Variants in ARHGEF3 observed in about 807,000 individuals in gnomAD.
ARHGEF3 encodes Rho guanine nucleotide exchange factor 3.
Under a neutral mutation model 63.2 loss-of-function variants are expected in ARHGEF3, and 28 were observed. The ratio of observed to expected loss-of-function variants is 0.44; its 90% CI spans 0.33 to 0.61. The LOEUF is 0.61. ARHGEF3 is among the 20% of genes least tolerant of loss of function. The pLI is 0.03. For missense variants in ARHGEF3, 533 were observed against 659.3 expected, an observed-to-expected ratio of 0.81 and a Z score of 2.10; for synonymous variants, 266 against 254.2, an observed-to-expected ratio of 1.05 and a Z score of -0.44.
In ARHGEF3 at chr3:56,967,574, A is replaced by G. The variant is rs1193340987; in HGVS notation, c.63-8685T>C. Among the ~76,000 whole-genome samples the G allele has an allele frequency of 1.8e-3, 163 of 88,332 alleles. 1 individual carries two copies. Among genetic ancestry groups the G allele is most frequent in the African/African-American group, 7.1e-3 (156 of 21,940 alleles). The allele number at this position is 88,332 out of a possible 152,430, so 57.9% of individuals were successfully genotyped here. On this transcript the variant is annotated intron_variant, in intron 2 of 12. Coordinates refer to the ARHGEF3 transcript ENST00000338458. ...GTACATTATATAATATATAATATAT[A>G]TTATACATAATATATTTAATTATAT...
At chr3:56,951,916 A>G (rs1043431186) in intron 3 of ARHGEF3, among the ~76,000 whole-genome samples, 6 of 151,966 alleles carry the variant, frequency 3.9e-5, no homozygotes, top group Admixed American at 6.6e-5. Flanking sequence ...TTCACCACTT[A>G]CCTGTTGTGT....
chr3:56,744,593 A>G (rs2034263825), intron 7 of ARHGEF3, among the ~76,000 whole-genome samples: 1 of 150,902 alleles, frequency 6.6e-6, no homozygotes, highest in African/African-American at 2.4e-5. Flanking sequence ...TTTAGTAGAG[A>G]CAGGGTTTTG....
intron 4 of ARHGEF3, among the ~76,000 whole-genome samples, chr3:56,838,420 T>C (rs1341868949): frequency 6.6e-6 from 1 of 152,196 alleles, no homozygotes; most frequent in African/African-American, 2.4e-5. Context: ...TCACTTTTCA[T>C]TGGTTTTACC....
At chr3:56,742,559 G>C (rs2034108938) in intron 7 of ARHGEF3, among the ~76,000 whole-genome samples, 1 of 152,048 alleles carries the variant, frequency 6.6e-6, no homozygotes, top group South Asian at 2.1e-4. Context: ...AGCTATATTG[G>C]TGCTTGTTTT....
chr3:56,926,803 A>AT (rs1393161686), intron 3 of ARHGEF3, among the ~76,000 whole-genome samples: 11 of 152,222 alleles, frequency 7.2e-5, no homozygotes, highest in Admixed American at 7.2e-4. Flanking sequence ...GCTGATTTTT[A>AT]TTTTTTAAAA....
At chr3:57,040,906 TGAAGGAGTA>T (rs148234037) in intron 1 of ARHGEF3, among the ~76,000 whole-genome samples, 151,916 of 152,086 alleles carry the variant, frequency 1, 75,873 homozygotes, top group Middle Eastern at 1. Flanking sequence ...CCCTCCTCTG[TGAAGGAGTA>T]CCTTCACTCC....
intron 3 of ARHGEF3, among the ~76,000 whole-genome samples, chr3:56,957,302 G>A (rs773168738): frequency 6.6e-6 from 1 of 152,126 alleles, no homozygotes; most frequent in Non-Finnish European, 1.5e-5. Flanking sequence ...TGGAGAAAAT[G>A]ACTGAGATCT....
intron 3 of ARHGEF3, among the ~76,000 whole-genome samples, chr3:56,950,225 G>T (rs1418350870): frequency 2.6e-5 from 4 of 152,028 alleles, no homozygotes; most frequent in Admixed American, 2.6e-4. Flanking sequence ...CATGGGCAAG[G>T]ACTTCATGTC....
At chr3:56,968,007 T>TTTATATTATAG (rs1700668387) in intron 2 of ARHGEF3, among the ~76,000 whole-genome samples, 5 of 24,468 alleles carry the variant, frequency 2.0e-4, no homozygotes, top group Non-Finnish European at 3.7e-4. Context: ...TAATATATAT[T>TTTATATTATAG]TTTAAATATA....
chr3:57,062,129 T>C (rs564551556), intron 1 of ARHGEF3, among the ~76,000 whole-genome samples: 54 of 150,840 alleles, frequency 3.6e-4, no homozygotes, highest in African/African-American at 1.2e-3. Context: ...TCCATCTAGA[T>C]GGGTGAGAAG....
intron 3 of ARHGEF3, among the ~76,000 whole-genome samples, chr3:56,948,192 G>C (rs909131818): frequency 1.6e-4 from 24 of 151,956 alleles, no homozygotes; most frequent in African/African-American, 5.8e-4. Context: ...ATCTAAAATT[G>C]ACACCCTAAC....
intron 1 of ARHGEF3, among the ~76,000 whole-genome samples, chr3:56,789,754 G>A (rs78411358): frequency 0.025 from 3,843 of 152,158 alleles, 115 homozygotes; most frequent in Admixed American, 0.088. Flanking sequence ...AAAACTTATT[G>A]TAAAAATAAA....
rs556476916 is a variant in ARHGEF3, at chr3:56,729,703, A to T, written c.1229-81T>A. On this transcript the variant is annotated intron_variant, in intron 9 of 9. Coordinates refer to ENST00000296315, the MANE Select transcript of ARHGEF3 (RefSeq NM_019555.3). ...CAAAGAGAACACACGTAGTGACACT[A>T]AACCCCAGAATCCATGGCAGGTATT... 8.1e-5 allele frequency: 95 copies of T among 1,175,980 alleles called. 2 individuals carry two copies. The South Asian group carries it at 1.4e-3, about 17-fold the overall frequency. The allele number at this position is 1,175,980 out of a possible 1,614,324, so 72.8% of individuals were successfully genotyped here.
At chr3:56,856,702 T>TA (rs1491044368) in intron 4 of ARHGEF3, among the ~76,000 whole-genome samples, 1 of 41,038 alleles carries the variant, frequency 2.4e-5, no homozygotes, top group East Asian at 2.1e-3. Context: ...TCTTGAGAGG[T>TA]TTTTTGTTTT....
At chr3:57,059,474 T>C (rs942932036) in intron 1 of ARHGEF3, among the ~76,000 whole-genome samples, 1 of 128,352 alleles carries the variant, frequency 7.8e-6, no homozygotes, top group Non-Finnish European at 1.6e-5. Context: ...AGTCACATTT[T>C]GGAGTCTGTT....
chr3:56,774,563 G>A lies in ARHGEF3; in HGVS notation c.97-747C>T, dbSNP rs140836494. On this transcript the variant is annotated intron_variant, in intron 1 of 9. Coordinates refer to ENST00000296315, the MANE Select transcript of ARHGEF3 (RefSeq NM_019555.3). The stretch of plus-strand genomic sequence containing the variant: ...AAACCAGGCTGATAGGTGGGAGGGC[G>A]CCTACCCATTCCAAGGACTTTGCAG... Among the ~76,000 whole-genome samples the A allele has an allele frequency of 4.2e-3, 636 of 152,258 alleles. 8 individuals carry two copies. Among genetic ancestry groups the A allele is most frequent in the Middle Eastern group, 0.02 (6 of 294 alleles).
rs79334933 is a variant in ARHGEF3 at position 56,944,121 on chromosome 3, C to T, written c.129+14702G>A. On this transcript the variant is annotated intron_variant, in intron 3 of 12. Coordinates refer to the ARHGEF3 transcript ENST00000338458. ...CCGAAAGGTGGAGGTTGCAGGGAGC[C>T]GAAATCACTCCACTGCACTCCAGCA... 4.6e-5 allele frequency among the ~76,000 whole-genome samples: 7 copies of T among 152,042 alleles called. No homozygotes were observed. In the East Asian group the frequency reaches 7.7e-4, roughly 17 times the overall value.
chr3:56,829,757 A>G (rs1051778971), intron 4 of ARHGEF3, among the ~76,000 whole-genome samples: 1 of 152,226 alleles, frequency 6.6e-6, no homozygotes, highest in Non-Finnish European at 1.5e-5. Context: ...TGTCTCTCTG[A>G]AACAGTGGTA....
chr3:56,951,378 G>C (rs554980607), intron 3 of ARHGEF3, among the ~76,000 whole-genome samples: 1 of 151,868 alleles, frequency 6.6e-6, no homozygotes, highest in Admixed American at 6.5e-5. Context: ...CATCATTGAG[G>C]CAAGATGATC....
Sources: gnomAD v4.1 joint callset for allele counts (sites outside exome capture counted in the v4.1 genomes callset) on GRCh38, gnomAD v4.1.1 for gene constraint, MANE v1.5 for transcripts, NCBI Gene and HGNC (gene_info 2026-07-23, HGNC 2026-07-21) for gene names.